EYS: variants seen among roughly 807,000 people sequenced by gnomAD.
EYS encodes protein eyes shut homolog.
Under a neutral mutation model 282.1 loss-of-function variants are expected in EYS, and 250 were observed. The ratio of observed to expected loss-of-function variants is 0.89; its 90% CI spans 0.80 to 0.98. The LOEUF is 0.98. Among genes scored for constraint, EYS ranks in the 50% least tolerant of loss-of-function variants. The pLI is 0.00. For synonymous variants in EYS, 1,355 were observed against 1,282.9 expected (o/e 1.06, Z -1.20); for missense variants, 4,016 against 3,709.0 (o/e 1.08, Z -2.15).
intron 26 of EYS, among the ~76,000 whole-genome samples, chr6:64,467,207 G>A (rs1396118980): frequency 6.6e-6 from 1 of 152,098 alleles, no homozygotes; most frequent in East Asian, 1.9e-4. Flanking sequence ...TTCAGAGAAT[G>A]TAATTACTCT....
intron 33 of EYS, among the ~76,000 whole-genome samples, chr6:64,029,955 G>A (rs186343274): frequency 2.3e-3 from 343 of 152,316 alleles, no homozygotes; most frequent in African/African-American, 7.8e-3. Context: ...GGAAATTATA[G>A]AGTTATTGCA....
chr6:64,924,916 T>C (rs1363977321), intron 15 of EYS, among the ~76,000 whole-genome samples: 1 of 152,198 alleles, frequency 6.6e-6, no homozygotes, highest in African/African-American at 2.4e-5. Context: ...TGTCTTCTTC[T>C]GAGCCCTCCA....
chr6:63,806,417 G>A (rs1353562476), intron 36 of EYS, 45 bp from the exon 37 acceptor site: 1 of 1,446,736 alleles, frequency 6.9e-7, no homozygotes. Flanking sequence ...ACCTGTACAT[G>A]TATTTGTAAA....
In EYS at chr6:64,902,156, C is replaced by T. The variant is rs1403474828; in HGVS notation, c.2803G>A (p.Glu935Lys). ...CATGTTCCATTATTTTTGCAAGGTT[C>T]AGAGGAACATTCATTAATTTCAATT... ...CEIEINECSSEPCKNNGTCVD... is the reference protein window; with the variant it reads ...CEIEINECSSKPCKNNGTCVD... The change falls in exon 18 of 43, where the codon GAA becomes AAA. Residue 935 changes from glutamate to lysine, a missense_variant. Coordinates refer to ENST00000503581, the MANE Select transcript of EYS (RefSeq NM_001142800.2). 2 of 1,550,494 alleles carry T rather than the reference C, an allele frequency of 1.3e-6. No individual in the cohort carries two copies. The highest frequency in any genetic ancestry group is 1.2e-5 in the South Asian group (1 of 83,864).
chr6:63,845,619 A>G (rs1253973843), intron 36 of EYS, among the ~76,000 whole-genome samples: 1 of 152,170 alleles, frequency 6.6e-6, no homozygotes, highest in African/African-American at 2.4e-5. Context: ...TTGGGATGTA[A>G]TGATTTCTAA....
intron 2 of EYS, among the ~76,000 whole-genome samples, chr6:65,583,702 C>G (rs1764943824): frequency 6.6e-6 from 1 of 152,036 alleles, no homozygotes; most frequent in African/African-American, 2.4e-5. Context: ...AAGTGGCTCT[C>G]TGTTTAAGAA....
At chr6:64,131,020 A>G (rs1183229973) in intron 31 of EYS, among the ~76,000 whole-genome samples, 1 of 152,096 alleles carries the variant, frequency 6.6e-6, no homozygotes, top group South Asian at 2.1e-4. Context: ...GGCGTGTGCC[A>G]CCATGCCCGG....
At chr6:64,575,106 A>C (rs1042432759) in intron 26 of EYS, among the ~76,000 whole-genome samples, 1 of 152,160 alleles carries the variant, frequency 6.6e-6, no homozygotes, top group Admixed American at 6.6e-5. Flanking sequence ...TGTGATTGAA[A>C]ATCAAACAGA....
chr6:65,231,117 A>ATATATATATACTTTTATATATATT (rs1562037966), intron 12 of EYS, among the ~76,000 whole-genome samples: 2 of 128,838 alleles, frequency 1.6e-5, no homozygotes, highest in Non-Finnish European at 3.3e-5. Flanking sequence ...ATATGTATTT[A>ATATATATATACTTTTATATATATT]TATATATATA....
intron 26 of EYS, among the ~76,000 whole-genome samples, chr6:64,506,961 T>C (rs889351610): frequency 7.5e-6 from 1 of 133,228 alleles, no homozygotes; most frequent in Non-Finnish European, 1.6e-5. Context: ...TAGTCCTCCC[T>C]CCAGTTTCAG....
intron 19 of EYS, among the ~76,000 whole-genome samples, chr6:64,884,332 T>C (rs1767017025): frequency 6.6e-6 from 1 of 151,550 alleles, no homozygotes; most frequent in African/African-American, 2.4e-5. Context: ...TTTTTTCTGA[T>C]GGAGCAAAGC....
chr6:64,890,509 C>T (rs998492584), intron 18 of EYS, among the ~76,000 whole-genome samples: 10 of 152,024 alleles, frequency 6.6e-5, no homozygotes, highest in East Asian at 3.9e-4. Flanking sequence ...AGCCAGCTGA[C>T]GCTTAAGGAA....
intron 12 of EYS, among the ~76,000 whole-genome samples, chr6:65,085,002 A>G (rs1163370348): frequency 1.3e-5 from 2 of 152,120 alleles, no homozygotes; most frequent in Non-Finnish European, 2.9e-5. Context: ...GAATTGTTAG[A>G]ATTCTGAGAA....
chr6:65,335,005 A>C lies in EYS; in HGVS notation c.1741T>G (p.Cys581Gly), dbSNP rs558477347. 82 of 1,610,302 alleles carry C rather than the reference A, an allele frequency of 5.1e-5. No homozygotes were observed. Among genetic ancestry groups the C allele is most frequent in the Non-Finnish European group, 6.7e-5 (79 of 1,177,708 alleles). Residue 581 changes from cysteine to glycine, a missense_variant, in exon 11 of 43, where the codon TGT becomes GGT. Coordinates refer to ENST00000503581, the MANE Select transcript of EYS (RefSeq NM_001142800.2). The part of the protein sequence containing the change: ...QENECQHEAV[C>G]KDEINRPRCS... ...CTGGGTCTATTAATTTCATCTTTACAAACAGCTTCATGTTGACACTCATTT... is the reference window on the plus strand; with the variant it reads ...CTGGGTCTATTAATTTCATCTTTACCAACAGCTTCATGTTGACACTCATTT...
At chr6:64,877,071 A>T (rs1766770638) in intron 19 of EYS, among the ~76,000 whole-genome samples, 1 of 152,164 alleles carries the variant, frequency 6.6e-6, no homozygotes, top group Non-Finnish European at 1.5e-5. Context: ...GGGGGCTTAG[A>T]CTAGGATCAT....
intron 23 of EYS, among the ~76,000 whole-genome samples, chr6:64,621,328 C>A (rs908139061): frequency 6.6e-6 from 1 of 151,880 alleles, no homozygotes; most frequent in Non-Finnish European, 1.5e-5. Context: ...TCCCTCTCTG[C>A]CCATAGTGAT....
chr6:65,393,984 T>C (rs991768853), intron 7 of EYS, among the ~76,000 whole-genome samples: 1 of 152,136 alleles, frequency 6.6e-6, no homozygotes, highest in Non-Finnish European at 1.5e-5. Context: ...AAACATAGTA[T>C]TCATATTTCT....
At chr6:64,550,657 G>T (rs535010196) in intron 26 of EYS, among the ~76,000 whole-genome samples, 2 of 152,174 alleles carry the variant, frequency 1.3e-5, no homozygotes, top group Admixed American at 1.3e-4. Flanking sequence ...ATTAGGAAAA[G>T]AGGAAGTCAA....
chr6:64,801,209 T>C (rs1774539221), intron 22 of EYS, among the ~76,000 whole-genome samples: 1 of 152,084 alleles, frequency 6.6e-6, no homozygotes, highest in African/African-American at 2.4e-5. Context: ...ACATGTAAAT[T>C]TGTAAAAGTC....
Sources: gnomAD v4.1 joint callset for allele counts (sites outside exome capture counted in the v4.1 genomes callset) on GRCh38, gnomAD v4.1.1 for gene constraint, MANE v1.5 for transcripts, NCBI Gene and HGNC (gene_info 2026-07-23, HGNC 2026-07-21) for gene names.